Variants in CCDC3 observed in about 807,000 individuals in gnomAD.
CCDC3 encodes the protein coiled-coil domain containing 3, also known as coiled-coil domain-containing protein 3.
CCDC3 carries 24 observed loss-of-function variants against 21.4 expected under a neutral mutation model. The observed-to-expected ratio is 1.12, with a 90% CI of 0.81 to 1.58. CCDC3 has a LOEUF of 1.58. Among genes scored for constraint, CCDC3 ranks in the 40% most tolerant of loss-of-function variants. The probability of loss-of-function intolerance (pLI) is 0.00; values close to 1 mark genes in which losing one functional copy is unlikely to be tolerated. For synonymous variants in CCDC3, 186 were observed against 166.0 expected (o/e 1.12, Z -0.93); for missense variants, 425 against 360.9 (o/e 1.18, Z -1.44).
intron 4 of CCDC3, among the ~76,000 whole-genome samples, chr10:13,072,042 A>AT (rs1156630839): frequency 1.3e-5 from 2 of 152,000 alleles, no homozygotes; most frequent in Non-Finnish European, 2.9e-5. Context: ...GGGTAGTTTC[A>AT]TTTTTTATTT....
intron 3 of CCDC3, among the ~76,000 whole-genome samples, chr10:13,080,315 T>C (rs1837022012): frequency 6.6e-6 from 1 of 151,686 alleles, no homozygotes; most frequent in African/African-American, 2.4e-5. Flanking sequence ...GGAAGAGAAA[T>C]AGTGTAAAAG....
intron 2 of CCDC3, among the ~76,000 whole-genome samples, chr10:12,932,352 C>T (rs146113865): frequency 2.0e-5 from 3 of 152,296 alleles, no homozygotes; most frequent in Non-Finnish European, 2.9e-5. Context: ...CACTGGTCTA[C>T]AGTTGGACAA....
At chr10:13,067,273 G>A (rs763300657) in intron 4 of CCDC3, among the ~76,000 whole-genome samples, 2 of 152,228 alleles carry the variant, frequency 1.3e-5, no homozygotes, top group African/African-American at 2.4e-5. Flanking sequence ...TCTCCCTGTC[G>A]GAGGAACCCA....
chr10:12,922,934 C>A (rs1834475112), intron 2 of CCDC3, among the ~76,000 whole-genome samples: 1 of 152,174 alleles, frequency 6.6e-6, no homozygotes, highest in Non-Finnish European at 1.5e-5. Flanking sequence ...CTGACATTGG[C>A]CAAATGTTCA....
At chr10:13,085,664 C>T (rs538544321) in intron 3 of CCDC3, among the ~76,000 whole-genome samples, 1 of 152,204 alleles carries the variant, frequency 6.6e-6, no homozygotes, top group East Asian at 1.9e-4. Flanking sequence ...CATAAAACAT[C>T]AGAAATTCAA....
intron 5 of CCDC3, among the ~76,000 whole-genome samples, chr10:13,015,995 A>G (rs778110383): frequency 3.9e-5 from 6 of 152,052 alleles, no homozygotes; most frequent in Admixed American, 6.6e-5. Flanking sequence ...GGGAATGAAT[A>G]CCCTATATAT....
intron 2 of CCDC3, among the ~76,000 whole-genome samples, chr10:12,951,645 A>G (rs114728795): frequency 0.082 from 12,466 of 151,786 alleles, 701 homozygotes; most frequent in African/African-American, 0.16. Flanking sequence ...CTCTAACTAA[A>G]ATACAAAAAA....
intron 2 of CCDC3, among the ~76,000 whole-genome samples, chr10:12,982,670 T>C (rs1285663654): frequency 6.6e-6 from 1 of 151,212 alleles, no homozygotes; most frequent in Non-Finnish European, 1.5e-5. Flanking sequence ...GGCATGCACC[T>C]GTAATCCCAG....
chr10:12,906,857 C>G (rs1834181180), intron 2 of CCDC3, among the ~76,000 whole-genome samples: 3 of 152,162 alleles, frequency 2.0e-5, no homozygotes, highest in African/African-American at 7.2e-5. Flanking sequence ...ACCTTTGCTG[C>G]TGGAACTCCT....
chr10:13,037,104 C>T (rs143137069), intron 5 of CCDC3, among the ~76,000 whole-genome samples: 22 of 152,142 alleles, frequency 1.4e-4, no homozygotes, highest in African/African-American at 4.8e-4. Context: ...ACTTTGAGTA[C>T]CTTTATCACA....
intron 5 of CCDC3, among the ~76,000 whole-genome samples, chr10:13,027,288 C>A (rs993435668): frequency 1.3e-5 from 2 of 152,054 alleles, no homozygotes; most frequent in East Asian, 1.9e-4. Context: ...GAGGGCATCC[C>A]CTCCACATCC....
intron 2 of CCDC3, among the ~76,000 whole-genome samples, chr10:12,968,535 AC>A (rs1332290494): frequency 9.9e-5 from 15 of 152,250 alleles, no homozygotes; most frequent in African/African-American, 3.6e-4. Context: ...ACAGGAAAAT[AC>A]ATCAAAGTAT....
intron 2 of CCDC3, among the ~76,000 whole-genome samples, chr10:12,902,656 G>A (rs1378949706): frequency 2.0e-5 from 3 of 152,214 alleles, no homozygotes; most frequent in Non-Finnish European, 4.4e-5. Flanking sequence ...CGATGGCGGT[G>A]TTCAGAAGCT....
In CCDC3 at chr10:12,994,288, C is replaced by T. The variant is rs192159961; in HGVS notation, c.549+4050G>A. Among the ~76,000 whole-genome samples, 231 of 152,054 alleles carry T rather than the reference C, an allele frequency of 1.5e-3. 1 individual carries two copies. The highest frequency in any genetic ancestry group is 5.3e-3 in the African/African-American group (219 of 41,436). Reference sequence around the variant, plus strand: ...TGGTGGGTGCCTGTAATCCCAGCTACTTGGGAGGCTGAGGTAGAAGTATCA... The same window carrying T: ...TGGTGGGTGCCTGTAATCCCAGCTATTTGGGAGGCTGAGGTAGAAGTATCA... On this transcript the variant is annotated intron_variant, in intron 2 of 2. Transcript: ENST00000378825.
At chr10:12,907,058 T>C (rs1282426359) in intron 2 of CCDC3, among the ~76,000 whole-genome samples, 1 of 152,210 alleles carries the variant, frequency 6.6e-6, no homozygotes, top group Non-Finnish European at 1.5e-5. Context: ...AAGAGCCCTG[T>C]CATCTTTTCC....
intron 2 of CCDC3, among the ~76,000 whole-genome samples, chr10:12,932,609 A>G (rs779230374): frequency 2.8e-4 from 42 of 152,180 alleles, no homozygotes; most frequent in Non-Finnish European, 5.9e-4. Flanking sequence ...CATGTTATCT[A>G]CAATGTTTTA....
At chr10:12,903,854 A>C (rs563044415) in intron 2 of CCDC3, among the ~76,000 whole-genome samples, 93 of 152,370 alleles carry the variant, frequency 6.1e-4, no homozygotes, top group Admixed American at 2.4e-3. Context: ...GATTGTAGAA[A>C]AAACATTTTT....
At chr10:12,899,716 G>A (rs781239535) in intron 2 of CCDC3, among the ~76,000 whole-genome samples, 7 of 152,180 alleles carry the variant, frequency 4.6e-5, no homozygotes, top group Non-Finnish European at 1.0e-4. Flanking sequence ...GATACCAAGA[G>A]TGCGAAATAC....
At chr10:12,921,057 A>G (rs1235964128) in intron 2 of CCDC3, among the ~76,000 whole-genome samples, 1 of 152,220 alleles carries the variant, frequency 6.6e-6, no homozygotes, top group Non-Finnish European at 1.5e-5. Context: ...AGAAAAATGC[A>G]GGCAAGCTAC....
Sources: gnomAD v4.1 joint callset for allele counts (sites outside exome capture counted in the v4.1 genomes callset) on GRCh38, gnomAD v4.1.1 for gene constraint, MANE v1.5 for transcripts, NCBI Gene and HGNC (gene_info 2026-07-23, HGNC 2026-07-21) for gene names.